Variants in NBEA observed in about 807,000 individuals in gnomAD.
NBEA encodes the protein neurobeachin.
In NBEA, 44 loss-of-function variants were observed where a neutral mutation model predicts 343.4. The ratio of observed to expected loss-of-function variants is 0.13; its 90% CI spans 0.10 to 0.16. The LOEUF (loss-of-function observed/expected upper bound fraction) is 0.16. Ranked by LOEUF, NBEA falls within the 10% of genes least tolerant of loss-of-function variation. The probability of loss-of-function intolerance (pLI) is 1.00; values close to 1 mark genes in which losing one functional copy is unlikely to be tolerated. For synonymous variants in NBEA, 1,175 were observed against 1,238.7 expected, an observed-to-expected ratio of 0.95 and a Z score of 1.08; for missense variants, 2,555 against 3,631.3, an observed-to-expected ratio of 0.70 and a Z score of 7.62.
chr13:35,325,115 T>C (rs954895638), intron 36 of NBEA, among the ~76,000 whole-genome samples: 4 of 152,026 alleles, frequency 2.6e-5, no homozygotes, highest in African/African-American at 9.7e-5. Context: ...CATTAATCTC[T>C]ATATCAGAAA....
chr13:35,274,817 C>T (rs1307640248), intron 34 of NBEA, among the ~76,000 whole-genome samples: 1 of 152,128 alleles, frequency 6.6e-6, no homozygotes, highest in Non-Finnish European at 1.5e-5. Flanking sequence ...AGGACCTCTT[C>T]AAGGAGAACT....
rs563252343 is a variant in NBEA at position 34,951,714 on chromosome 13, A to G, written c.294+8600A>G. On this transcript the variant is annotated intron_variant, in intron 1 of 58. Transcript: ENST00000379939. ...CTGGGGATGGAAGAGGCAAGAGGTA[A>G]CACCAGTTCCTTTGTGTGGAGTCTC... Among the ~76,000 whole-genome samples, 4 of 152,288 alleles carry G rather than the reference A, an allele frequency of 2.6e-5. No homozygotes were observed. In the South Asian group the frequency reaches 8.3e-4, roughly 32 times the overall value.
In NBEA at chr13:35,509,088, G is replaced by C. The variant is rs182872006; in HGVS notation, c.6585+36552G>C. Among the ~76,000 whole-genome samples, 4 of 152,166 alleles carry C rather than the reference G, an allele frequency of 2.6e-5. No homozygotes were observed. The East Asian group carries it at 7.7e-4, about 29-fold the overall frequency. The stretch of plus-strand genomic sequence containing the variant: ...CCCATGGGTAACTGTTTATAATGGC[G>C]GATGCCATTGTGTCTCTTGTCTGAC... On this transcript the variant is annotated intron_variant, in intron 41 of 58. Transcript: ENST00000379939.
At chr13:35,166,568 C>T (rs1242464125) in intron 24 of NBEA, among the ~76,000 whole-genome samples, 1 of 152,080 alleles carries the variant, frequency 6.6e-6, no homozygotes, top group Non-Finnish European at 1.5e-5. Context: ...GGCCCATTAA[C>T]TGTTTGGACC....
At chr13:35,558,932 T>C (rs2079718176) in intron 44 of NBEA, among the ~76,000 whole-genome samples, 1 of 152,214 alleles carries the variant, frequency 6.6e-6, no homozygotes, top group South Asian at 2.1e-4. Context: ...ATGAACTCTT[T>C]AAGGATTTTG....
intron 1 of NBEA, among the ~76,000 whole-genome samples, chr13:35,005,425 T>C (rs2061285369): frequency 6.6e-6 from 1 of 152,152 alleles, no homozygotes; most frequent in African/African-American, 2.4e-5. Context: ...AGGGGACCAA[T>C]ACAAACATGA....
intron 41 of NBEA, among the ~76,000 whole-genome samples, chr13:35,486,327 A>T (rs2076301517): frequency 6.6e-6 from 1 of 152,130 alleles, no homozygotes; most frequent in South Asian, 2.1e-4. Flanking sequence ...ACCATTAACC[A>T]TAATGTAATT....
chr13:35,596,911 A>T (rs1180229549), intron 47 of NBEA, among the ~76,000 whole-genome samples: 3 of 152,032 alleles, frequency 2.0e-5, no homozygotes, highest in Non-Finnish European at 4.4e-5. Context: ...AAAAAAAAAA[A>T]GAAAGAAAAG....
rs17775522 is a variant in NBEA, at chr13:35,068,150, C to T, written c.1240-1758C>T. 9.8e-3 allele frequency among the ~76,000 whole-genome samples: 1,491 copies of T among 152,182 alleles called. 8 individuals carry two copies. Among genetic ancestry groups the T allele is most frequent in the Non-Finnish European group, 0.013 (906 of 67,994 alleles). ...ATGTTTATATTGAAATTACATTATA[C>T]ACTTTTTTTAAACCTAAAACTTGTA... On this transcript the variant is annotated intron_variant, in intron 8 of 58. Coordinates refer to ENST00000379939, the MANE Select transcript of NBEA (RefSeq NM_001385012.1).
At chr13:35,449,755 A>G (rs2046212828) in intron 39 of NBEA, among the ~76,000 whole-genome samples, 1 of 152,238 alleles carries the variant, frequency 6.6e-6, no homozygotes, top group Non-Finnish European at 1.5e-5. Flanking sequence ...AATAATAATT[A>G]TCTATGGGCC....
chr13:35,555,109 T>C lies in NBEA; in HGVS notation c.6922+7T>C, dbSNP rs776894755. The C allele has an allele frequency of 2.1e-6, 3 of 1,430,922 alleles. No individual in the cohort carries two copies. The highest frequency in any genetic ancestry group is 2.0e-6 in the Non-Finnish European group (2 of 1,019,566). The allele number at this position is 1,430,922 out of a possible 1,614,324, so 88.6% of individuals were successfully genotyped here. On this transcript the variant is annotated splice_region_variant and intron_variant, in intron 44 of 58. Coordinates refer to ENST00000379939, the MANE Select transcript of NBEA (RefSeq NM_001385012.1). Reference sequence around the variant, plus strand: ...TTCCTTAATACTATTGCAGGTAAGATGTCTCATTCTTTAATCTAATAATAT... The same window carrying C: ...TTCCTTAATACTATTGCAGGTAAGACGTCTCATTCTTTAATCTAATAATAT...
chr13:34,987,477 G>A (rs2060593437), intron 1 of NBEA, among the ~76,000 whole-genome samples: 2 of 150,616 alleles, frequency 1.3e-5, no homozygotes, highest in Non-Finnish European at 3.0e-5. Flanking sequence ...GTGTCTTGGG[G>A]TTGCTCTTCT....
At chr13:35,660,658 C>T (rs1251658828) in intron 55 of NBEA, among the ~76,000 whole-genome samples, 1 of 152,144 alleles carries the variant, frequency 6.6e-6, no homozygotes, top group African/African-American at 2.4e-5. Flanking sequence ...AAATCACATC[C>T]CTCTCTTTGT....
At chr13:34,991,023 C>T (rs1243882498) in intron 1 of NBEA, among the ~76,000 whole-genome samples, 1 of 152,192 alleles carries the variant, frequency 6.6e-6, no homozygotes, top group Admixed American at 6.5e-5. Context: ...GCCCCAGTTC[C>T]CAATAAGTTC....
chr13:35,354,433 G>A (rs2040379882), intron 38 of NBEA, among the ~76,000 whole-genome samples: 1 of 152,148 alleles, frequency 6.6e-6, no homozygotes, highest in African/African-American at 2.4e-5. Flanking sequence ...ACAGCTAAAG[G>A]ACAGTGACCT....
rs117459512 is a variant in NBEA, at chr13:35,413,492, G to A, written c.6180-18777G>A. Among the ~76,000 whole-genome samples, 1,406 of 152,210 alleles carry A rather than the reference G, an allele frequency of 9.2e-3. 9 individuals are homozygous for A. The highest frequency in any genetic ancestry group is 0.024 in the Middle Eastern group (7 of 294). Reference sequence around the variant, plus strand: ...TCACCAGGTAAATTCAGGTTCCTCTGTAGCTTTTAAAGGGGAACCATTCCT... The same window carrying A: ...TCACCAGGTAAATTCAGGTTCCTCTATAGCTTTTAAAGGGGAACCATTCCT... On this transcript the variant is annotated intron_variant, in intron 38 of 58. Coordinates refer to ENST00000379939, the MANE Select transcript of NBEA (RefSeq NM_001385012.1).
At chr13:35,573,019 G>A (rs758550856) in intron 45 of NBEA, among the ~76,000 whole-genome samples, 3 of 152,144 alleles carry the variant, frequency 2.0e-5, no homozygotes, top group Non-Finnish European at 4.4e-5. Flanking sequence ...GTGTAAATGT[G>A]TAAATATAAT....
At chr13:35,004,193 G>C (rs2061239788) in intron 1 of NBEA, among the ~76,000 whole-genome samples, 2 of 152,066 alleles carry the variant, frequency 1.3e-5, no homozygotes, top group Non-Finnish European at 2.9e-5. Context: ...TGGGCATTTG[G>C]GTTGATTCCA....
At chr13:35,583,824 G>A (rs1434495213) in intron 45 of NBEA, 74 bp from the exon 46 acceptor site, 1 of 1,097,070 alleles carries the variant, frequency 9.1e-7, no homozygotes, top group African/African-American at 1.6e-5. Context: ...GTGAAATACT[G>A]AAAGTATAAA....
Sources: gnomAD v4.1 joint callset for allele counts (sites outside exome capture counted in the v4.1 genomes callset) on GRCh38, gnomAD v4.1.1 for gene constraint, MANE v1.5 for transcripts, NCBI Gene and HGNC (gene_info 2026-07-23, HGNC 2026-07-21) for gene names.